The following L3MBTL3 variants were observed in gnomAD, a reference collection of about 807,000 sequenced individuals.
The protein encoded by L3MBTL3 is lethal(3)malignant brain tumor-like protein 3.
In L3MBTL3, 27 loss-of-function variants were observed where a neutral mutation model predicts 102.3. The ratio of observed to expected loss-of-function variants is 0.26; its 90% CI spans 0.19 to 0.36. The LOEUF (loss-of-function observed/expected upper bound fraction) is 0.36, where lower values mean the gene tolerates loss of function less well. Ranked by LOEUF, L3MBTL3 falls within the 10% of genes least tolerant of loss-of-function variation. The probability of loss-of-function intolerance (pLI) is 1.00; values close to 1 mark genes in which losing one functional copy is unlikely to be tolerated. For synonymous variants in L3MBTL3, 340 were observed against 320.9 expected (o/e 1.06, Z -0.64); for missense variants, 798 against 955.3 (o/e 0.84, Z 2.17).
At chr6:130,115,292 T>C (rs1246892789) in intron 19 of L3MBTL3, among the ~76,000 whole-genome samples, 1 of 152,192 alleles carries the variant, frequency 6.6e-6, no homozygotes, top group Non-Finnish European at 1.5e-5. Flanking sequence ...AAGGTAGCCA[T>C]GTCTCTGATG....
At chr6:130,120,803 C>T (rs1786107114) in intron 19 of L3MBTL3, 76 bp from the exon 20 acceptor site, 3 of 1,053,140 alleles carry the variant, frequency 2.8e-6, no homozygotes. Context: ...AGGAAAAGCA[C>T]TTGTTGAGAT....
chr6:130,102,017 C>T (rs1784718231), intron 18 of L3MBTL3, among the ~76,000 whole-genome samples: 1 of 152,116 alleles, frequency 6.6e-6, no homozygotes, highest in Non-Finnish European at 1.5e-5. Context: ...AGTAACATCT[C>T]TGCTTGGATG....
intron 16 of L3MBTL3, among the ~76,000 whole-genome samples, chr6:130,089,788 G>C (rs912494309): frequency 6.6e-6 from 1 of 150,718 alleles, no homozygotes; most frequent in Non-Finnish European, 1.5e-5. Context: ...TCTCATTGTG[G>C]TTTTGATACA....
intron 19 of L3MBTL3, among the ~76,000 whole-genome samples, chr6:130,105,789 A>G (rs1372777149): frequency 6.6e-6 from 1 of 152,206 alleles, no homozygotes; most frequent in Non-Finnish European, 1.5e-5. Context: ...AAAAGTATCA[A>G]CAGAATACTC....
At chr6:130,091,725 G>A (rs897715681) in intron 16 of L3MBTL3, among the ~76,000 whole-genome samples, 1 of 151,908 alleles carries the variant, frequency 6.6e-6, no homozygotes, top group Non-Finnish European at 1.5e-5. Context: ...TGAACCTGGA[G>A]GACATTATGT....
At chr6:130,057,553 C>A (rs1781588101) in intron 9 of L3MBTL3, 56 bp downstream of exon 9, 1 of 1,304,548 alleles carries the variant, frequency 7.7e-7, no homozygotes, top group African/African-American at 1.5e-5. Context: ...GGATACCAGC[C>A]TGAATTACGA....
At chr6:130,114,465 C>T (rs1785540765) in intron 19 of L3MBTL3, among the ~76,000 whole-genome samples, 1 of 152,192 alleles carries the variant, frequency 6.6e-6, no homozygotes, top group South Asian at 2.1e-4. Flanking sequence ...GAGACATCAT[C>T]TTTATTTCCC....
intron 2 of L3MBTL3, among the ~76,000 whole-genome samples, chr6:130,034,286 C>G (rs7750912): frequency 0.063 from 9,655 of 152,096 alleles, 836 homozygotes; most frequent in African/African-American, 0.2. Flanking sequence ...CGCAGCCAGT[C>G]ACGATTCTCA....
At chr6:130,081,429 T>TG (rs904771906) in intron 14 of L3MBTL3, among the ~76,000 whole-genome samples, 3 of 152,104 alleles carry the variant, frequency 2.0e-5, no homozygotes, top group African/African-American at 7.2e-5. Context: ...TCCATTTTTT[T>TG]TTTTTTTGAG....
intron 19 of L3MBTL3, among the ~76,000 whole-genome samples, chr6:130,109,108 G>A (rs1785187603): frequency 6.6e-6 from 1 of 152,144 alleles, no homozygotes; most frequent in South Asian, 2.1e-4. Context: ...GTCTATGATT[G>A]ATGGGCATTT....
chr6:130,090,760 A>AT (rs1032772553), intron 16 of L3MBTL3, among the ~76,000 whole-genome samples: 10 of 150,926 alleles, frequency 6.6e-5, no homozygotes, highest in Admixed American at 1.3e-4. Context: ...TTTTTATTTT[A>AT]TTTTTTTTGT....
Position 130,057,259 on chromosome 6 carries a change from C to A in L3MBTL3, c.668-147C>A, listed in dbSNP as rs192479472. On this transcript the variant is annotated intron_variant, in intron 8 of 22. Transcript: ENST00000361794. ...CTTTTTATCTTGGTTCTTGGGAAGA[C>A]GAGCCAGGAAGAGAGACAGAGATAC... 2.0e-5 allele frequency: 14 copies of A among 697,372 alleles called. No homozygotes were observed. In the East Asian group the frequency reaches 3.8e-4, roughly 19 times the overall value. The allele number at this position is 697,372 out of a possible 1,614,324, so 43.2% of individuals were successfully genotyped here. A position where few individuals can be genotyped will look rare whatever the true frequency, so the allele number is the denominator to read the frequency against.
intron 2 of L3MBTL3, among the ~76,000 whole-genome samples, chr6:130,033,087 G>A (rs1282018111): frequency 6.6e-6 from 1 of 152,172 alleles, no homozygotes; most frequent in South Asian, 2.1e-4. Flanking sequence ...AGGAAAAGAA[G>A]GAAGTAGTTG....
intron 10 of L3MBTL3, among the ~76,000 whole-genome samples, chr6:130,064,717 T>C (rs1782133020): frequency 6.6e-6 from 1 of 152,010 alleles, no homozygotes; most frequent in Non-Finnish European, 1.5e-5. Flanking sequence ...ATGAGCACCC[T>C]TGGGGAAAGG....
At chr6:130,032,448 C>G (rs1035513847) in intron 2 of L3MBTL3, among the ~76,000 whole-genome samples, 1 of 151,918 alleles carries the variant, frequency 6.6e-6, no homozygotes, top group Non-Finnish European at 1.5e-5. Context: ...GATCCTGTCT[C>G]TATGAATAAA....
intron 3 of L3MBTL3, among the ~76,000 whole-genome samples, chr6:130,045,079 C>A (rs1490289910): frequency 6.6e-6 from 1 of 152,092 alleles, no homozygotes; most frequent in African/African-American, 2.4e-5. Flanking sequence ...ATAACTTTTC[C>A]TGTAAAATCC....
rs1055674060 is a variant in L3MBTL3, at chr6:130,140,440, T to A, written c.*687T>A. 1 of 152,580 alleles carries A rather than the reference T, an allele frequency of 6.6e-6. No individual in the cohort carries two copies. Among genetic ancestry groups the A allele is most frequent in the Non-Finnish European group, 1.5e-5 (1 of 68,034 alleles). The allele number at this position is 152,580 out of a possible 1,614,324, so 9.5% of individuals were successfully genotyped here. ...ATCTTTACTATAATTACCAAAAACA[T>A]GTATATAAAAGAATGAAATTGAAAA... On this transcript the variant is annotated 3_prime_UTR_variant, in exon 23 of 23. Coordinates refer to ENST00000361794, the MANE Select transcript of L3MBTL3 (RefSeq NM_032438.4).
At chr6:130,101,235 G>A (rs934568800) in intron 18 of L3MBTL3, among the ~76,000 whole-genome samples, 13 of 152,170 alleles carry the variant, frequency 8.5e-5, no homozygotes, top group African/African-American at 3.1e-4. Flanking sequence ...ACAGTAGGAG[G>A]AACTAGTTGT....
At chr6:130,113,544 ACACAATAAAG>A (rs1785478621) in intron 19 of L3MBTL3, among the ~76,000 whole-genome samples, 1 of 152,236 alleles carries the variant, frequency 6.6e-6, no homozygotes, top group Admixed American at 6.5e-5. Context: ...AGCCACAGAA[ACACAATAAAG>A]CAGCTTTAAA....
Sources: gnomAD v4.1 joint callset for allele counts (sites outside exome capture counted in the v4.1 genomes callset) on GRCh38, gnomAD v4.1.1 for gene constraint, MANE v1.5 for transcripts, NCBI Gene and HGNC (gene_info 2026-07-23, HGNC 2026-07-21) for gene names.